The following VSNL1 variants were observed in gnomAD, a reference collection of about 807,000 sequenced individuals.
VSNL1 encodes the protein visinin like 1.
A neutral mutation model predicts 20.4 loss-of-function variants in VSNL1; 6 were observed. The observed-to-expected ratio is 0.29, with a 90% CI of 0.16 to 0.58. The LOEUF is 0.58. VSNL1 is among the 20% of genes least tolerant of loss of function. VSNL1 has a pLI of 0.90. For missense variants in VSNL1, 100 were observed against 234.5 expected (o/e 0.43, Z 3.75); for synonymous variants, 93 against 86.4 (o/e 1.08, Z -0.42).
chr2:17,557,880 C>A (rs1241168637), intron 1 of VSNL1, among the ~76,000 whole-genome samples: 1 of 152,164 alleles, frequency 6.6e-6, no homozygotes. Context: ...CTTCCCAAAC[C>A]CGTGGTTGCT....
chr2:17,645,265 G>A (rs1338862245), intron 2 of VSNL1, among the ~76,000 whole-genome samples: 1 of 152,242 alleles, frequency 6.6e-6, no homozygotes, highest in East Asian at 1.9e-4. Flanking sequence ...CTGTTGCATG[G>A]GCAGGGGTGA....
intron 2 of VSNL1, among the ~76,000 whole-genome samples, chr2:17,629,795 G>C (rs1365103080): frequency 1.3e-5 from 2 of 152,166 alleles, no homozygotes; most frequent in African/African-American, 4.8e-5. Context: ...CAATTAGAAG[G>C]GTAAGGATGG....
intron 2 of VSNL1, among the ~76,000 whole-genome samples, chr2:17,630,023 A>C (rs978025423): frequency 2.0e-5 from 3 of 152,250 alleles, no homozygotes; most frequent in Non-Finnish European, 4.4e-5. Context: ...ACGATAGTGT[A>C]GAAAAACAAT....
In VSNL1 at chr2:17,655,502, A is replaced by ACACAC. The variant is rs1666213194; in HGVS notation, c.*108_*109insCACAC. On this transcript the variant is annotated 3_prime_UTR_variant, in exon 4 of 4. Transcript: ENST00000295156. The surrounding 1 kb of genome is among the most constrained non-coding windows in gnomAD (Gnocchi z 5.2). ...ACACACACACACACACACACACACA[A>ACACAC]ATATTGCTTGGACTACCTATAAATG... The ACACAC allele has an allele frequency of 3.5e-5, 21 of 599,310 alleles. No individual in the cohort carries two copies. Among genetic ancestry groups the ACACAC allele is most frequent in the Non-Finnish European group, 4.8e-5 (19 of 397,114 alleles). 37.1% of individuals were successfully genotyped at this position (599,310 alleles called of 1,614,324 possible).
chr2:17,584,623 G>A (rs1664426801), intron 1 of VSNL1, among the ~76,000 whole-genome samples: 1 of 152,152 alleles, frequency 6.6e-6, no homozygotes, highest in African/African-American at 2.4e-5. Context: ...CACCTGCCCT[G>A]TAAAAAGACA....
At chr2:17,612,194 C>A (rs1285530348) in intron 2 of VSNL1, among the ~76,000 whole-genome samples, 1 of 152,192 alleles carries the variant, frequency 6.6e-6, no homozygotes, top group Non-Finnish European at 1.5e-5. Context: ...AATCTCTTTG[C>A]CGCATGGTCC....
chr2:17,572,401 T>G (rs1664105516), intron 1 of VSNL1, among the ~76,000 whole-genome samples: 1 of 152,012 alleles, frequency 6.6e-6, no homozygotes, highest in Admixed American at 6.6e-5. Flanking sequence ...ACAGAGAACA[T>G]CCAGGGCAGA....
At chr2:17,558,299 C>T (rs1463152467) in intron 1 of VSNL1, among the ~76,000 whole-genome samples, 1 of 152,062 alleles carries the variant, frequency 6.6e-6, no homozygotes, top group Non-Finnish European at 1.5e-5. Flanking sequence ...ATATTTTGAG[C>T]CTTATAAATC....
Position 17,574,911 on chromosome 2 carries a change from C to T in VSNL1, c.-5-17159C>T, listed in dbSNP as rs575502164. Reference sequence around the variant, plus strand: ...CCTCCCAAGTAGCTGGAACTACAGGCACACACCACCATGCCCAGCTAATCT... The same window carrying T: ...CCTCCCAAGTAGCTGGAACTACAGGTACACACCACCATGCCCAGCTAATCT... On this transcript the variant is annotated intron_variant, in intron 1 of 3. Coordinates refer to ENST00000295156, the MANE Select transcript of VSNL1 (RefSeq NM_003385.5). Among the ~76,000 whole-genome samples the T allele has an allele frequency of 2.3e-3, 345 of 152,298 alleles. 2 individuals are homozygous for T. The highest frequency in any genetic ancestry group is 0.01 in the Middle Eastern group (3 of 294).
chr2:17,553,133 G>C (rs1226649761), intron 1 of VSNL1, among the ~76,000 whole-genome samples: 1 of 152,132 alleles, frequency 6.6e-6, no homozygotes, highest in Non-Finnish European at 1.5e-5. Context: ...AGGCCAAAAA[G>C]CGTGGCCTTC....
intron 1 of VSNL1, among the ~76,000 whole-genome samples, chr2:17,554,054 G>A (rs17342706): frequency 0.28 from 42,214 of 151,992 alleles, 6,588 homozygotes; most frequent in Middle Eastern, 0.36. Flanking sequence ...AGAACAATGG[G>A]TAGATGAATT....
intron 2 of VSNL1, among the ~76,000 whole-genome samples, chr2:17,597,735 C>T (rs1261887941): frequency 2.0e-5 from 3 of 151,924 alleles, no homozygotes; most frequent in Non-Finnish European, 2.9e-5. Flanking sequence ...TTGGTTCATT[C>T]ATTCACTTGA....
At chr2:17,614,587 G>T (rs576011286) in intron 2 of VSNL1, among the ~76,000 whole-genome samples, 18 of 152,234 alleles carry the variant, frequency 1.2e-4, no homozygotes, top group Middle Eastern at 3.4e-3. Context: ...CTCAGCTGTG[G>T]CCAACCCCAA....
intron 2 of VSNL1, among the ~76,000 whole-genome samples, chr2:17,619,873 A>T (rs77080049): frequency 1.3e-5 from 2 of 149,474 alleles, no homozygotes; most frequent in Non-Finnish European, 2.9e-5. Flanking sequence ...AAAAAAAAAA[A>T]AATGCAATCC....
rs3064980 is a variant in VSNL1, at chr2:17,655,455, TCACACACACACACACACA to T, written c.*90_*107del. 2.5e-4 allele frequency: 137 copies of T among 537,524 alleles called. No individual in the cohort carries two copies. Among genetic ancestry groups the T allele is most frequent in the East Asian group, 1.6e-3 (51 of 31,888 alleles). 33.3% of individuals were successfully genotyped at this position (537,524 alleles called of 1,614,324 possible). A position where few individuals can be genotyped will look rare whatever the true frequency, so the allele number is the denominator to read the frequency against. ...AATGTTCCATTCAGTCTGCAGCTAT[TCACACACACACACACACA>T]CACACACACACACACACACACACAC... On this transcript the variant is annotated 3_prime_UTR_variant, in exon 4 of 4. Transcript: ENST00000295156. The surrounding 1 kb of genome is among the most constrained non-coding windows in gnomAD (Gnocchi z 5.2).
intron 2 of VSNL1, among the ~76,000 whole-genome samples, chr2:17,619,400 A>T (rs1665294368): frequency 1.3e-5 from 2 of 152,138 alleles, no homozygotes; most frequent in Admixed American, 1.3e-4. Context: ...TAACTAACTG[A>T]TGGGTTTTGC....
rs57180371 is a variant in VSNL1 at position 17,646,158 on chromosome 2, AC to A, written c.163-3251del. Among the ~76,000 whole-genome samples the A allele has an allele frequency of 8.3e-3, 1,268 of 152,332 alleles. 15 individuals are homozygous for A. The highest frequency in any genetic ancestry group is 0.028 in the African/African-American group (1,160 of 41,568). On this transcript the variant is annotated intron_variant, in intron 2 of 3. Coordinates refer to ENST00000295156, the MANE Select transcript of VSNL1 (RefSeq NM_003385.5). ...GCCAGCACCTAACACTGTCCTTGAC[AC>A]ATAGCAGCTGCTCTCAATGTTGAGT...
At chr2:17,555,846 C>T (rs1314407944) in intron 1 of VSNL1, among the ~76,000 whole-genome samples, 1 of 152,122 alleles carries the variant, frequency 6.6e-6, no homozygotes, top group East Asian at 1.9e-4. Context: ...AGGATTTTTT[C>T]TCACTCATAT....
At chr2:17,554,359 G>A (rs766356283) in intron 1 of VSNL1, among the ~76,000 whole-genome samples, 1 of 152,128 alleles carries the variant, frequency 6.6e-6, no homozygotes, top group African/African-American at 2.4e-5. Flanking sequence ...TAGATAATTA[G>A]GAATAAAGTC....
Sources: allele counts gnomAD v4.1 joint callset (sites outside exome capture counted in the v4.1 genomes callset), GRCh38; gene constraint gnomAD v4.1.1; non-coding constraint Gnocchi (gnomAD v3.1); transcripts MANE v1.5; gene names NCBI Gene and HGNC (gene_info 2026-07-23, HGNC 2026-07-21).